NFIB: variants seen among roughly 807,000 people sequenced by gnomAD.
The protein encoded by NFIB is nuclear factor 1 B-type.
In NFIB, 11 loss-of-function variants were observed where a neutral mutation model predicts 61.5. That is an observed-to-expected ratio of 0.18 (90% CI 0.11 to 0.30). The LOEUF is 0.30. Among genes scored for constraint, NFIB ranks in the 10% least tolerant of loss-of-function variants. NFIB has a pLI of 1.00. For synonymous variants in NFIB, 260 were observed against 216.5 expected, an observed-to-expected ratio of 1.20 and a Z score of -1.76; for missense variants, 471 against 608.9, an observed-to-expected ratio of 0.77 and a Z score of 2.38.
In NFIB at chr9:14,083,479, T is replaced by TAAA. The variant is rs33918801; in HGVS notation, c.*4827_*4829dup. The TAAA allele has an allele frequency of 2.0e-3, 277 of 135,294 alleles. No individual in the cohort carries two copies. The highest frequency in any genetic ancestry group is 0.011 in the Middle Eastern group (4 of 354). 8.4% of individuals were successfully genotyped at this position (135,294 alleles called of 1,614,324 possible). On this transcript the variant is annotated 3_prime_UTR_variant, in exon 11 of 11. Transcript: ENST00000380953. ...TATTGAACTTGAATAGCCTGCACAT[T>TAAA]AAAAAAAAAAAAAAAAAAAAAGTTT...
At chr9:14,417,466 T>A in the NFIB span, among the ~76,000 whole-genome samples, 16 of 152,310 alleles carry the variant, frequency 1.1e-4, no homozygotes, top group African/African-American at 3.8e-4. Flanking sequence ...CGTGACTGTA[T>A]CAGTCTCCTG....
the NFIB span, among the ~76,000 whole-genome samples, chr9:14,455,913 G>A: frequency 6.6e-6 from 1 of 152,146 alleles, no homozygotes; most frequent in Non-Finnish European, 1.5e-5. Context: ...AGATCAATGG[G>A]AGAGTTTTGA....
intron 6 of NFIB, among the ~76,000 whole-genome samples, chr9:14,141,415 G>C (rs995355799): frequency 6.6e-6 from 1 of 152,088 alleles, no homozygotes; most frequent in African/African-American, 2.4e-5. Context: ...GCTAGTTTTT[G>C]CTAACATGCC....
chr9:14,113,534 G>T (rs1057514856), intron 9 of NFIB, among the ~76,000 whole-genome samples: 3 of 152,226 alleles, frequency 2.0e-5, no homozygotes, highest in Non-Finnish European at 2.9e-5. Context: ...AATTTAAGCA[G>T]ATGTTCTTAA....
chr9:14,381,053 A>C (rs1379120963), intron 1 of NFIB, among the ~76,000 whole-genome samples: 2 of 143,432 alleles, frequency 1.4e-5, no homozygotes, highest in African/African-American at 5.2e-5. Flanking sequence ...CAGCCTGGGC[A>C]ACAGAGCGAG....
chr9:14,488,158 G>A, the NFIB span, among the ~76,000 whole-genome samples: 1 of 152,062 alleles, frequency 6.6e-6, no homozygotes, highest in Non-Finnish European at 1.5e-5. Flanking sequence ...GAGTCCAGGA[G>A]TTTGAGACCA....
At chr9:14,302,583 T>C (rs2059805597) in intron 2 of NFIB, among the ~76,000 whole-genome samples, 1 of 152,288 alleles carries the variant, frequency 6.6e-6, no homozygotes, top group Non-Finnish European at 1.5e-5. Flanking sequence ...CAAAGTACAG[T>C]CCAAAAATCA....
intron 3 of NFIB, among the ~76,000 whole-genome samples, chr9:14,160,831 C>CAAAAAAAAAAAAAAAAAAAAAAAA (rs36063048): frequency 1.0e-5 from 1 of 96,324 alleles, no homozygotes; most frequent in Non-Finnish European, 2.0e-5. Context: ...AAGGAAATCT[C>CAAAAAAAAAAAAAAAAAAAAAAAA]AAAAAAAAAA....
At chr9:14,368,194 G>A (rs1382735324) in intron 1 of NFIB, among the ~76,000 whole-genome samples, 4 of 151,930 alleles carry the variant, frequency 2.6e-5, no homozygotes, top group African/African-American at 9.7e-5. Flanking sequence ...ACAAGTGGCT[G>A]GATGCTGTCC....
chr9:14,184,417 T>C (rs2047121490), intron 2 of NFIB, among the ~76,000 whole-genome samples: 1 of 152,192 alleles, frequency 6.6e-6, no homozygotes, highest in Non-Finnish European at 1.5e-5. Context: ...AGCTATTTTC[T>C]ATATCTAAGT....
chr9:14,455,894 T>C, the NFIB span, among the ~76,000 whole-genome samples: 27 of 152,326 alleles, frequency 1.8e-4, 1 homozygote, highest in South Asian at 5.2e-3. Flanking sequence ...ACATTTTGAA[T>C]GGACAGGCAG....
chr9:14,326,104 A>G (rs1302305252), intron 1 of NFIB, among the ~76,000 whole-genome samples: 2 of 152,194 alleles, frequency 1.3e-5, no homozygotes, highest in Non-Finnish European at 2.9e-5. Flanking sequence ...TCCCTGCACT[A>G]CTTTTATTCA....
chr9:14,411,548 C>A, the NFIB span, among the ~76,000 whole-genome samples: 2 of 151,992 alleles, frequency 1.3e-5, no homozygotes, highest in Non-Finnish European at 1.5e-5. Flanking sequence ...GGAAAGAGAT[C>A]GTGTCAGGAG....
At chr9:14,095,785 C>G (rs769077287) in intron 10 of NFIB, among the ~76,000 whole-genome samples, 2 of 152,146 alleles carry the variant, frequency 1.3e-5, no homozygotes, top group Admixed American at 1.3e-4. Flanking sequence ...CATAAAATTA[C>G]AAATGATTAA....
the NFIB span, among the ~76,000 whole-genome samples, chr9:14,495,356 T>TA: frequency 6.6e-6 from 1 of 151,858 alleles, no homozygotes; most frequent in African/African-American, 2.4e-5. Context: ...GCAACATATC[T>TA]ACGGGGATTT....
intron 2 of NFIB, among the ~76,000 whole-genome samples, chr9:14,284,217 G>A (rs1255852435): frequency 1.3e-5 from 2 of 152,056 alleles, no homozygotes; most frequent in African/African-American, 2.4e-5. Flanking sequence ...TAATTAATGG[G>A]GGGAATGGGA....
chr9:14,238,267 A>G (rs2054001842), intron 2 of NFIB, among the ~76,000 whole-genome samples: 1 of 152,130 alleles, frequency 6.6e-6, no homozygotes, highest in Admixed American at 6.5e-5. Flanking sequence ...CTGAAAGGGC[A>G]GGCAGAGTGA....
chr9:14,123,474 C>T (rs1347406839), intron 7 of NFIB, among the ~76,000 whole-genome samples: 4 of 152,162 alleles, frequency 2.6e-5, no homozygotes, highest in African/African-American at 7.2e-5. Context: ...CATGTAACTT[C>T]TCCGCTAAAA....
the NFIB span, among the ~76,000 whole-genome samples, chr9:14,491,289 A>G: frequency 6.6e-6 from 1 of 151,980 alleles, no homozygotes; most frequent in Non-Finnish European, 1.5e-5. Flanking sequence ...TAGGCTTTTG[A>G]CATATCTAAA....
Sources: gnomAD v4.1 joint callset for allele counts (sites outside exome capture counted in the v4.1 genomes callset) on GRCh38, gnomAD v4.1.1 for gene constraint, MANE v1.5 for transcripts, NCBI Gene and HGNC (gene_info 2026-07-23, HGNC 2026-07-21) for gene names.